The following ZDHHC21 variants were observed in gnomAD, a reference collection of about 807,000 sequenced individuals.
The protein encoded by ZDHHC21 is zDHHC palmitoyltransferase 21.
Under a neutral mutation model 34.6 loss-of-function variants are expected in ZDHHC21, and 15 were observed. That is an observed-to-expected ratio of 0.43 (90% CI 0.29 to 0.67). The LOEUF (loss-of-function observed/expected upper bound fraction) is 0.67. Ranked by LOEUF, ZDHHC21 falls within the 30% of genes least tolerant of loss-of-function variation. ZDHHC21 has a pLI of 0.14. For synonymous variants in ZDHHC21, 142 were observed against 101.8 expected (o/e 1.40, Z -2.38); for missense variants, 344 against 327.7 (o/e 1.05, Z -0.38).
intron 8 of ZDHHC21, among the ~76,000 whole-genome samples, chr9:14,625,616 C>G (rs10810189): frequency 3.2e-4 from 48 of 151,806 alleles, no homozygotes; most frequent in Non-Finnish European, 5.6e-4. Flanking sequence ...CAATAAATGG[C>G]AGTCTTAAGA....
intron 7 of ZDHHC21, among the ~76,000 whole-genome samples, chr9:14,649,296 G>T (rs1830812313): frequency 6.6e-6 from 1 of 152,060 alleles, no homozygotes; most frequent in South Asian, 2.1e-4. Flanking sequence ...AAACAGCTTA[G>T]ATCACATCTG....
Position 14,615,205 on chromosome 9 carries a change from T to C in ZDHHC21, c.*3761A>G, listed in dbSNP as rs1823960135. 1 of 151,748 alleles carries C rather than the reference T, an allele frequency of 6.6e-6. No individual in the cohort carries two copies. The highest frequency in any genetic ancestry group is 2.4e-5 in the African/African-American group (1 of 41,410). The allele number at this position is 151,748 out of a possible 1,614,324, so 9.4% of individuals were successfully genotyped here. A position where few individuals can be genotyped will look rare whatever the true frequency, so the allele number is the denominator to read the frequency against. On this transcript the variant is annotated 3_prime_UTR_variant, in exon 10 of 10. Coordinates refer to ENST00000380916, the MANE Select transcript of ZDHHC21 (RefSeq NM_178566.6). ...AGTGTTGTCCTAACTTAAGTCTTCA[T>C]GATTAGCATTCAGAATTAATACACC...
intron 1 of ZDHHC21, among the ~76,000 whole-genome samples, chr9:14,691,469 T>C (rs1199977802): frequency 2.0e-5 from 3 of 152,204 alleles, no homozygotes; most frequent in Non-Finnish European, 4.4e-5. Flanking sequence ...GAATCGGTCA[T>C]TACGAATTAA....
chr9:14,608,762 C>T (rs1468051807), downstream of ZDHHC21, among the ~76,000 whole-genome samples: 2 of 151,740 alleles, frequency 1.3e-5, no homozygotes, highest in Non-Finnish European at 2.9e-5. Context: ...TGCTCTTGCA[C>T]GCTAATATAA....
intron 7 of ZDHHC21, among the ~76,000 whole-genome samples, chr9:14,641,700 T>C (rs1829410620): frequency 6.6e-6 from 1 of 152,202 alleles, no homozygotes; most frequent in Non-Finnish European, 1.5e-5. Context: ...CTTCCATCAC[T>C]TCACAATAAT....
chr9:14,635,097 T>C (rs1014275417), intron 8 of ZDHHC21, among the ~76,000 whole-genome samples: 2 of 152,130 alleles, frequency 1.3e-5, no homozygotes, highest in Non-Finnish European at 2.9e-5. Context: ...TTTCATTACT[T>C]GAAGACAGGT....
At chr9:14,651,870 T>C (rs184210470) in intron 7 of ZDHHC21, among the ~76,000 whole-genome samples, 6 of 152,076 alleles carry the variant, frequency 3.9e-5, no homozygotes, top group Admixed American at 6.6e-5. Context: ...GTTCATTTTC[T>C]TCAAAATCCA....
At chr9:14,634,426 T>G (rs1827913810) in intron 8 of ZDHHC21, among the ~76,000 whole-genome samples, 1 of 152,140 alleles carries the variant, frequency 6.6e-6, no homozygotes, top group Admixed American at 6.5e-5. Context: ...CTAACAGCAG[T>G]GCCAATGCCA....
At chr9:14,603,891 C>G in the ZDHHC21 span, among the ~76,000 whole-genome samples, 1 of 152,060 alleles carries the variant, frequency 6.6e-6, no homozygotes, top group Non-Finnish European at 1.5e-5. Flanking sequence ...TATTTATAGT[C>G]GTAGATGTTG....
chr9:14,613,288 C>T lies in ZDHHC21; in HGVS notation c.*5678G>A, dbSNP rs1041542678. On this transcript the variant is annotated 3_prime_UTR_variant, in exon 10 of 10. Coordinates refer to ENST00000380916, the MANE Select transcript of ZDHHC21 (RefSeq NM_178566.6). ...GATGTGAGAAGAAAACTCAGTCAAC[C>T]AAAAAGAAAATTAACTCTTTGGTAC... The T allele has an allele frequency of 1.3e-5, 2 of 151,664 alleles. No homozygotes were observed. Among genetic ancestry groups the T allele is most frequent in the Non-Finnish European group, 3.0e-5 (2 of 67,782 alleles). 9.4% of individuals were successfully genotyped at this position (151,664 alleles called of 1,614,324 possible). A position where few individuals can be genotyped will look rare whatever the true frequency, so the allele number is the denominator to read the frequency against.
chr9:14,631,232 C>T (rs1213068007), intron 8 of ZDHHC21, among the ~76,000 whole-genome samples: 1 of 152,214 alleles, frequency 6.6e-6, no homozygotes, highest in Non-Finnish European at 1.5e-5. Context: ...TACATCAGCA[C>T]TTGCTGCTTC....
intron 2 of ZDHHC21, among the ~76,000 whole-genome samples, chr9:14,686,064 G>A (rs111256278): frequency 0.014 from 2,151 of 152,054 alleles, 43 homozygotes; most frequent in African/African-American, 0.048. Flanking sequence ...GTGGGGTGGG[G>A]GAGGGGGGAG....
At chr9:14,691,721 G>C (rs1275519975) in intron 1 of ZDHHC21, among the ~76,000 whole-genome samples, 1 of 152,126 alleles carries the variant, frequency 6.6e-6, no homozygotes, top group East Asian at 1.9e-4. Context: ...TAGTGTCAAA[G>C]GATCTAATAG....
At chr9:14,675,287 A>C (rs562957017) in intron 3 of ZDHHC21, among the ~76,000 whole-genome samples, 1 of 152,036 alleles carries the variant, frequency 6.6e-6, no homozygotes, top group African/African-American at 2.4e-5. Flanking sequence ...TGAAATAATA[A>C]ATTGCTGTAT....
intron 2 of ZDHHC21, among the ~76,000 whole-genome samples, chr9:14,681,998 T>C (rs1178825141): frequency 2.0e-5 from 3 of 152,082 alleles, no homozygotes; most frequent in Non-Finnish European, 4.4e-5. Flanking sequence ...GCTGAGAGAT[T>C]TGGTCACCAC....
At chr9:14,652,654 C>T (rs1391051995) in intron 7 of ZDHHC21, among the ~76,000 whole-genome samples, 1 of 151,886 alleles carries the variant, frequency 6.6e-6, no homozygotes, top group East Asian at 1.9e-4. Flanking sequence ...GAAAATCAGG[C>T]TCCCAATCTG....
At chr9:14,594,883 A>T in the ZDHHC21 span, among the ~76,000 whole-genome samples, 1 of 152,210 alleles carries the variant, frequency 6.6e-6, no homozygotes, top group Non-Finnish European at 1.5e-5. Context: ...ACAGTTTATC[A>T]GAGAAGATAT....
intron 3 of ZDHHC21, among the ~76,000 whole-genome samples, chr9:14,676,020 A>G (rs2131555290): frequency 6.6e-6 from 1 of 152,146 alleles, no homozygotes; most frequent in East Asian, 1.9e-4. Context: ...TGAAGGACAT[A>G]AAGATGCCAT....
Position 14,611,212 on chromosome 9 carries a change from C to T in ZDHHC21, c.*7754G>A, listed in dbSNP as rs1020618478. 9.2e-5 allele frequency: 14 copies of T among 151,768 alleles called. No individual in the cohort carries two copies. Among genetic ancestry groups the T allele is most frequent in the African/African-American group, 2.9e-4 (12 of 41,332 alleles). 9.4% of individuals were successfully genotyped at this position (151,768 alleles called of 1,614,324 possible). A position where few individuals can be genotyped will look rare whatever the true frequency, so the allele number is the denominator to read the frequency against. ...AAATATTACGTGAAAAAAACTAAAT[C>T]GCTACAATAAATTAAAAACAACAAC... On this transcript the variant is annotated 3_prime_UTR_variant, in exon 10 of 10. Coordinates refer to ENST00000380916, the MANE Select transcript of ZDHHC21 (RefSeq NM_178566.6).
Sources: gnomAD v4.1 joint callset for allele counts (sites outside exome capture counted in the v4.1 genomes callset) on GRCh38, gnomAD v4.1.1 for gene constraint, MANE v1.5 for transcripts, NCBI Gene and HGNC (gene_info 2026-07-23, HGNC 2026-07-21) for gene names.